POC5: variants seen among roughly 807,000 people sequenced by gnomAD.
POC5 encodes POC5 centriolar protein.
Under a neutral mutation model 62.9 loss-of-function variants are expected in POC5, and 48 were observed. The observed-to-expected ratio is 0.76, with a 90% CI of 0.61 to 0.97. POC5 has a LOEUF of 0.97. Among genes scored for constraint, POC5 ranks in the 50% least tolerant of loss-of-function variants. The pLI is 0.00. For synonymous variants in POC5, 236 were observed against 228.2 expected, an observed-to-expected ratio of 1.03 and a Z score of -0.31; for missense variants, 696 against 679.5, an observed-to-expected ratio of 1.02 and a Z score of -0.27.
intron 10 of POC5, among the ~76,000 whole-genome samples, chr5:75,679,145 G>A (rs1775782932): frequency 6.6e-6 from 1 of 152,048 alleles, no homozygotes; most frequent in Admixed American, 6.6e-5. Flanking sequence ...AATTTTCAAT[G>A]CACATCCATT....
chr5:75,699,644 T>C (rs1306104211), intron 5 of POC5, among the ~76,000 whole-genome samples: 2 of 138,824 alleles, frequency 1.4e-5, no homozygotes, highest in African/African-American at 5.2e-5. Context: ...AGCATTCCCT[T>C]TGAAAACTGG....
In POC5 at chr5:75,702,797, C is replaced by T; in HGVS notation, c.321G>A (p.Val107=). 1 of 1,575,222 alleles carries T rather than the reference C, an allele frequency of 6.3e-7. No individual in the cohort carries two copies. Among genetic ancestry groups the T allele is most frequent in the Non-Finnish European group, 8.6e-7 (1 of 1,158,610 alleles). The change falls in exon 5 of 12, where the codon GTG becomes GTA. Residue 107 remains valine (V), a synonymous_variant. Transcript: ENST00000428202. ...GGTGAGAAGGCTTCCTTGGCGATAA[C>T]ACTGGTGATGACTCTGAATAAAAGA... ...SHSKTDESSP[V]LSPRKPSHPV...
intron 4 of POC5, among the ~76,000 whole-genome samples, chr5:75,704,137 G>C (rs1261830762): frequency 6.9e-6 from 1 of 145,110 alleles, no homozygotes; most frequent in Non-Finnish European, 1.5e-5. Context: ...CTGGGTGATA[G>C]AGCGAGACTC....
intron 2 of POC5, among the ~76,000 whole-genome samples, chr5:75,710,074 A>G (rs72633984): frequency 0.17 from 26,013 of 152,160 alleles, 2,415 homozygotes; most frequent in South Asian, 0.21. Context: ...TAGTGGTAGT[A>G]CACTGTCAGT....
chr5:75,696,921 G>A (rs1027754347), intron 5 of POC5, among the ~76,000 whole-genome samples: 2 of 151,896 alleles, frequency 1.3e-5, no homozygotes, highest in African/African-American at 4.8e-5. Flanking sequence ...GAAGCCTCAG[G>A]AGCTGATGCG....
chr5:75,694,357 T>C (rs1369809058), intron 6 of POC5, among the ~76,000 whole-genome samples: 1 of 152,200 alleles, frequency 6.6e-6, no homozygotes, highest in Non-Finnish European at 1.5e-5. Context: ...AAAAAAATTT[T>C]TTTTAAATTG....
At chr5:75,681,236 T>C (rs73124801) in intron 10 of POC5, among the ~76,000 whole-genome samples, 36 of 152,228 alleles carry the variant, frequency 2.4e-4, no homozygotes, top group African/African-American at 6.7e-4. Flanking sequence ...CTTAGGCAAG[T>C]TGCATACTCT....
At position 75,702,655 on chromosome 5, in the gene POC5, T is replaced by C; in HGVS notation, c.463A>G (p.Asn155Asp). The C allele has an allele frequency of 6.2e-7, 1 of 1,613,216 alleles. No individual in the cohort carries two copies. Among genetic ancestry groups the C allele is most frequent in the Non-Finnish European group, 8.5e-7 (1 of 1,179,622 alleles). The change falls in exon 5 of 12, where the codon AAC (asparagine) becomes GAC (aspartate). Residue 155 changes from asparagine to aspartate, a missense_variant. Coordinates refer to ENST00000428202, the MANE Select transcript of POC5 (RefSeq NM_001099271.2). The part of the protein sequence containing the change: ...LVSDFLVSDE[N>D]LQKMENVLDL... ...AGCACATTTTCCATCTTCTGAAGGTTTTCATCAGAAACAAGAAAATCGCTC... is the reference window on the plus strand; with the variant it reads ...AGCACATTTTCCATCTTCTGAAGGTCTTCATCAGAAACAAGAAAATCGCTC...
Position 75,694,686 on chromosome 5 carries a change from G to T in POC5, c.659C>A (p.Thr220Asn). Residue 220 changes from threonine to asparagine, a missense_variant, in exon 6 of 12, where the codon ACC becomes AAC. Transcript: ENST00000428202. ...QINELKELQKTFEISIGRKDE... is the reference protein window; with the variant it reads ...QINELKELQKNFEISIGRKDE... The stretch of plus-strand genomic sequence containing the variant: ...TTTTCTCCCAATGGAGATTTCAAAG[G>T]TTTTTTGCAGCTCCTTCAATTCATT... 1 of 1,573,904 alleles carries T rather than the reference G, an allele frequency of 6.4e-7. No individual in the cohort carries two copies. The highest frequency in any genetic ancestry group is 8.6e-7 in the Non-Finnish European group (1 of 1,165,602).
chr5:75,697,181 G>A (rs1030261176), intron 5 of POC5, among the ~76,000 whole-genome samples: 3 of 152,106 alleles, frequency 2.0e-5, no homozygotes, highest in African/African-American at 2.4e-5. Context: ...GCAGGCCAAC[G>A]CTCAGATTCA....
At chr5:75,678,061 T>G in intron 10 of POC5, 111 bp from the exon 11 acceptor site, 1 of 826,582 alleles carries the variant, frequency 1.2e-6, no homozygotes, top group Non-Finnish European at 1.7e-6. Flanking sequence ...TAACTGTATG[T>G]TCAACCAACT....
chr5:75,698,843 C>A (rs757891439), intron 5 of POC5, among the ~76,000 whole-genome samples: 184 of 151,848 alleles, frequency 1.2e-3, no homozygotes, highest in Admixed American at 2.0e-3. Context: ...AGAAGAAAAG[C>A]GAGAAGAATC....
intron 5 of POC5, among the ~76,000 whole-genome samples, chr5:75,697,925 C>G (rs566366920): frequency 4.2e-5 from 6 of 144,312 alleles, no homozygotes; most frequent in Non-Finnish European, 9.2e-5. Context: ...ATCCTAGTCT[C>G]TGATAAAACA....
At position 75,682,632 on chromosome 5, in the gene POC5, C is replaced by T. The variant is rs1407417733; in HGVS notation, c.1407+2575G>A. ...CCGGGTTCAAGTGATTCTTCCACCT[C>T]GGCCTCCTGAGTAGCTGGGATTACA... On this transcript the variant is annotated intron_variant, in intron 10 of 11. Coordinates refer to ENST00000428202, the MANE Select transcript of POC5 (RefSeq NM_001099271.2). Among the ~76,000 whole-genome samples, 6 of 151,828 alleles carry T rather than the reference C, an allele frequency of 4.0e-5. 1 individual carries two copies. In the East Asian group the frequency reaches 7.8e-4, roughly 20 times the overall value.
At chr5:75,677,613 A>T in intron 11 of POC5, 161 bp downstream of exon 11, 1 of 400,148 alleles carries the variant, frequency 2.5e-6, no homozygotes, top group Non-Finnish European at 4.1e-6. Flanking sequence ...AAAAACAAGT[A>T]TATATATTAA....
intron 7 of POC5, among the ~76,000 whole-genome samples, chr5:75,690,953 G>A (rs1026312714): frequency 6.6e-6 from 1 of 152,230 alleles, no homozygotes; most frequent in African/African-American, 2.4e-5. Context: ...AAATGGTGGT[G>A]GCTGTGGCTT....
At chr5:75,709,179 A>G (rs191335943) in intron 2 of POC5, among the ~76,000 whole-genome samples, 6 of 152,348 alleles carry the variant, frequency 3.9e-5, no homozygotes. Context: ...CATTAGGTAT[A>G]GCAAATACTG....
chr5:75,698,527 A>C (rs925507777), intron 5 of POC5, among the ~76,000 whole-genome samples: 2 of 152,200 alleles, frequency 1.3e-5, no homozygotes, highest in Non-Finnish European at 2.9e-5. Flanking sequence ...ACCGAGAACA[A>C]AGACACATCA....
intron 8 of POC5, 124 bp downstream of exon 8, chr5:75,690,259 C>A: frequency 1.2e-6 from 1 of 868,212 alleles, no homozygotes; most frequent in Non-Finnish European, 1.7e-6. Context: ...CAAGAATAAA[C>A]GTTTTCATTT....
Sources: allele counts gnomAD v4.1 joint callset (sites outside exome capture counted in the v4.1 genomes callset), GRCh38; gene constraint gnomAD v4.1.1; transcripts MANE v1.5; gene names NCBI Gene and HGNC (gene_info 2026-07-23, HGNC 2026-07-21).